The following PHLDB2 variants were observed in gnomAD, a reference collection of about 807,000 sequenced individuals.
The protein encoded by PHLDB2 is pleckstrin homology like domain family B member 2, also known as pleckstrin homology-like domain family B member 2.
A neutral mutation model predicts 123.6 loss-of-function variants in PHLDB2; 71 were observed. The ratio of observed to expected loss-of-function variants is 0.57; its 90% CI spans 0.47 to 0.70. The LOEUF is 0.70. Among genes scored for constraint, PHLDB2 ranks in the 30% least tolerant of loss-of-function variants. The probability of loss-of-function intolerance (pLI) is 0.00; values close to 1 mark genes in which losing one functional copy is unlikely to be tolerated. For synonymous variants in PHLDB2, 547 were observed against 541.6 expected, an observed-to-expected ratio of 1.01 and a Z score of -0.14; for missense variants, 1,446 against 1,519.5, an observed-to-expected ratio of 0.95 and a Z score of 0.80.
chr3:111,965,774 C>G (rs540479434), intron 13 of PHLDB2, among the ~76,000 whole-genome samples: 1 of 152,312 alleles, frequency 6.6e-6, no homozygotes, highest in Admixed American at 6.5e-5. Flanking sequence ...GTTATAGTCT[C>G]TCTTTTCCAG....
chr3:111,949,805 C>G (rs1418451452), intron 10 of PHLDB2: 2 of 985,728 alleles, frequency 2.0e-6, no homozygotes, highest in Non-Finnish European at 2.4e-6. Context: ...ATGGCTACAT[C>G]TGTCGATCCT....
rs2066085689 is a variant in PHLDB2 at position 111,884,928 on chromosome 3, C to G, written c.851C>G (p.Thr284Arg). Residue 284 changes from threonine to arginine, a missense_variant, in exon 2 of 18, where the codon ACA (threonine) becomes AGA (arginine). Coordinates refer to ENST00000431670, the MANE Select transcript of PHLDB2 (RefSeq NM_001134438.2). ...AACTCTCTGGGCAATTCCAAACGAA[C>G]AAAACTTGGGGAAAAGGATCTACCT... ...PRNSLGNSKR[T>R]KLGEKDLPHS... 1 of 1,613,942 alleles carries G rather than the reference C, an allele frequency of 6.2e-7. No homozygotes were observed. The highest frequency in any genetic ancestry group is 1.7e-5 in the Admixed American group (1 of 59,992).
intron 2 of PHLDB2, among the ~76,000 whole-genome samples, chr3:111,912,429 G>T (rs1253554124): frequency 6.6e-5 from 10 of 152,082 alleles, no homozygotes; most frequent in African/African-American, 2.4e-4. Flanking sequence ...AATGACCTAT[G>T]AATTTGAGTT....
At chr3:111,825,084 A>G (rs2062591679) in intron 1 of PHLDB2, among the ~76,000 whole-genome samples, 2 of 152,210 alleles carry the variant, frequency 1.3e-5, no homozygotes, top group Admixed American at 1.3e-4. Context: ...TGCTTTTAGC[A>G]TGCTCACCAT....
intron 1 of PHLDB2, among the ~76,000 whole-genome samples, chr3:111,767,193 T>G (rs1214657340): frequency 1.3e-5 from 2 of 152,140 alleles, no homozygotes; most frequent in Non-Finnish European, 2.9e-5. Flanking sequence ...TCTGGGTGTC[T>G]CTGATTTGAG....
chr3:111,972,562 T>G (rs1190966939), intron 16 of PHLDB2, among the ~76,000 whole-genome samples: 1 of 152,232 alleles, frequency 6.6e-6, no homozygotes, highest in Non-Finnish European at 1.5e-5. Context: ...TCATATTTTC[T>G]CTATTCACTT....
intron 1 of PHLDB2, among the ~76,000 whole-genome samples, chr3:111,803,911 G>A (rs191379141): frequency 6.6e-6 from 1 of 152,202 alleles, no homozygotes; most frequent in Non-Finnish European, 1.5e-5. Flanking sequence ...TGAGAGTGGG[G>A]GGCATTCTGA....
intron 1 of PHLDB2, among the ~76,000 whole-genome samples, chr3:111,843,633 C>T (rs1355528842): frequency 6.6e-6 from 1 of 152,182 alleles, no homozygotes; most frequent in Non-Finnish European, 1.5e-5. Flanking sequence ...CTCAAGTGAT[C>T]CTCCTGCCTC....
At chr3:111,815,030 G>A (rs1468526509) in intron 1 of PHLDB2, among the ~76,000 whole-genome samples, 1 of 152,152 alleles carries the variant, frequency 6.6e-6, no homozygotes, top group Non-Finnish European at 1.5e-5. Context: ...AGAGCTGGTG[G>A]TTTTAAAAAT....
intron 9 of PHLDB2, among the ~76,000 whole-genome samples, chr3:111,946,221 C>T (rs1295044557): frequency 2.6e-5 from 4 of 152,130 alleles, no homozygotes; most frequent in African/African-American, 9.7e-5. Context: ...GGGGTTTCGC[C>T]ATATTGGTCA....
intron 2 of PHLDB2, among the ~76,000 whole-genome samples, chr3:111,910,666 C>T (rs565331012): frequency 2.9e-4 from 44 of 152,280 alleles, no homozygotes; most frequent in Non-Finnish European, 5.6e-4. Flanking sequence ...AGGTTGCAGG[C>T]TATTGGCATG....
At chr3:111,925,272 A>G (rs768198451) in intron 5 of PHLDB2, among the ~76,000 whole-genome samples, 1 of 152,242 alleles carries the variant, frequency 6.6e-6, no homozygotes, top group Non-Finnish European at 1.5e-5. Context: ...AACCATAGGC[A>G]TACTTCTATA....
intron 2 of PHLDB2, among the ~76,000 whole-genome samples, chr3:111,904,406 G>A (rs1577048860): frequency 1.3e-5 from 2 of 151,950 alleles, no homozygotes; most frequent in Admixed American, 6.6e-5. Context: ...TAAGCACTTC[G>A]CCTATTTCTG....
In PHLDB2 at chr3:111,974,942, C is replaced by G. The variant is rs2072447507; in HGVS notation, c.*379C>G. 6.4e-6 allele frequency: 1 copy of G among 155,136 alleles called. No individual in the cohort carries two copies. Among genetic ancestry groups the G allele is most frequent in the African/African-American group, 2.4e-5 (1 of 41,552 alleles). 9.6% of individuals were successfully genotyped at this position (155,136 alleles called of 1,614,324 possible). ...ATAACTTTATCACCCAAATCACTGGCATTGACATTATTGGTAATCAACTGG... is the reference window on the plus strand; with the variant it reads ...ATAACTTTATCACCCAAATCACTGGGATTGACATTATTGGTAATCAACTGG... On this transcript the variant is annotated 3_prime_UTR_variant, in exon 18 of 18. Transcript: ENST00000431670.
chr3:111,929,484 A>G (rs928154759), intron 5 of PHLDB2, among the ~76,000 whole-genome samples: 4 of 152,168 alleles, frequency 2.6e-5, no homozygotes, highest in African/African-American at 4.8e-5. Flanking sequence ...AATGCCATCT[A>G]TTTTACATTC....
chr3:111,973,699 G>C, intron 16 of PHLDB2, 33 bp from the exon 17 acceptor site: 1 of 1,205,408 alleles, frequency 8.3e-7, no homozygotes, highest in Non-Finnish European at 1.2e-6. Context: ...CCTCAGTGGC[G>C]ATAAAGTATT....
At chr3:111,780,342 A>C in intron 1 of PHLDB2, among the ~76,000 whole-genome samples, 1 of 16,322 alleles carries the variant, frequency 6.1e-5, no homozygotes, top group African/African-American at 9.0e-5. Context: ...AAGAAGAAGA[A>C]GAAGAAGAAG....
intron 1 of PHLDB2, among the ~76,000 whole-genome samples, chr3:111,824,535 G>A (rs183139978): frequency 4.0e-4 from 61 of 152,266 alleles, no homozygotes; most frequent in Admixed American, 1.3e-3. Context: ...CAGAGGAAAC[G>A]TTTCCTTATG....
At chr3:111,944,464 T>A (rs1577152443) in intron 8 of PHLDB2, among the ~76,000 whole-genome samples, 1 of 152,110 alleles carries the variant, frequency 6.6e-6, no homozygotes, top group African/African-American at 2.4e-5. Context: ...TAAATGTTGC[T>A]TAATACCAAA....
Sources: gnomAD v4.1 joint callset for allele counts (sites outside exome capture counted in the v4.1 genomes callset) on GRCh38, gnomAD v4.1.1 for gene constraint, MANE v1.5 for transcripts, NCBI Gene and HGNC (gene_info 2026-07-23, HGNC 2026-07-21) for gene names.